The following SLC9A3 variants were observed in gnomAD, a reference collection of about 807,000 sequenced individuals.
SLC9A3 encodes solute carrier family 9 member A3, also known as sodium/hydrogen exchanger 3.
Under a neutral mutation model 86.8 loss-of-function variants are expected in SLC9A3, and 37 were observed. The observed-to-expected ratio is 0.43, with a 90% confidence interval of 0.33 to 0.56. The LOEUF (loss-of-function observed/expected upper bound fraction) is 0.56. Among genes scored for constraint, SLC9A3 ranks in the 20% least tolerant of loss-of-function variants. SLC9A3 has a pLI of 0.06. For missense variants in SLC9A3, 1,011 were observed against 1,171.9 expected (o/e 0.86, Z 2.00); for synonymous variants, 581 against 528.3 (o/e 1.10, Z -1.37).
rs1320617129 is a variant in SLC9A3 at position 507,183 on chromosome 5, T to TTTTTTTTTG, written c.212-15113_212-15112insCAAAAAAAA. Among the ~76,000 whole-genome samples, 85 of 88,962 alleles carry TTTTTTTTTG rather than the reference T, an allele frequency of 9.6e-4. 6 individuals carry two copies. Among genetic ancestry groups the TTTTTTTTTG allele is most frequent in the African/African-American group, 4.4e-3 (81 of 18,468 alleles). The allele number at this position is 88,962 out of a possible 152,430, so 58.4% of individuals were successfully genotyped here. A position where few individuals can be genotyped will look rare whatever the true frequency, so the allele number is the denominator to read the frequency against. On this transcript the variant is annotated intron_variant, in intron 1 of 16. Transcript: ENST00000264938. ...TGCTGCTTCTTTTTTTTTTTTTTTT[T>TTTTTTTTTG]TTTGAGACGGAGTCTGGCTCTGTTG...
At chr5:503,894 C>T (rs1740420405) in intron 1 of SLC9A3, among the ~76,000 whole-genome samples, 1 of 152,254 alleles carries the variant, frequency 6.6e-6, no homozygotes, top group South Asian at 2.1e-4. Context: ...AGGCTGGGGC[C>T]TCTGGACAGA....
intron 10 of SLC9A3, chr5:478,555 AG>A (rs1738928395): frequency 6.5e-6 from 1 of 154,128 alleles, no homozygotes; most frequent in Admixed American, 6.5e-5. Flanking sequence ...CCCGCTACTG[AG>A]TGGCCGGGAG....
At position 482,584 on chromosome 5, in the gene SLC9A3, G is replaced by A. The variant is rs759521468; in HGVS notation, c.1320C>T (p.Thr440=). The change falls in exon 7 of 17, where the codon ACC becomes ACT. Residue 440 remains threonine (T), a synonymous_variant. Coordinates refer to ENST00000264938, the MANE Select transcript of SLC9A3 (RefSeq NM_004174.4). ...KVKEKNLFVS[T]TIIVVFFTVI... ...CGGTGAAGAACACTACGATGATGGT[G>A]GTGCTGACGAACAGGTTCTTCTCCT... 2.7e-5 allele frequency: 44 copies of A among 1,612,772 alleles called. 1 individual carries two copies. In the Middle Eastern group the frequency reaches 4.9e-4, roughly 18 times the overall value.
At chr5:521,255 G>A (rs1468183959) in intron 1 of SLC9A3, among the ~76,000 whole-genome samples, 1 of 151,628 alleles carries the variant, frequency 6.6e-6, no homozygotes, top group Non-Finnish European at 1.5e-5. Flanking sequence ...GCCTGAGGCT[G>A]GTGGGCCAAC....
In SLC9A3 at chr5:472,456, C is replaced by T. The variant is rs1260980223; in HGVS notation, c.*923G>A. On this transcript the variant is annotated 3_prime_UTR_variant, in exon 17 of 17. Coordinates refer to ENST00000264938, the MANE Select transcript of SLC9A3 (RefSeq NM_004174.4). ...GTGATTCTTGGCAAGCTCCGCCCGC[C>T]AGGCCACCTCTCACCCAGCCAGGGC... 3.0e-6 allele frequency: 1 copy of T among 333,334 alleles called. No individual in the cohort carries two copies. The highest frequency in any genetic ancestry group is 2.3e-5 in the African/African-American group (1 of 44,112). The allele number at this position is 333,334 out of a possible 1,614,324, so 20.6% of individuals were successfully genotyped here.
intron 9 of SLC9A3, 120 bp downstream of exon 9, chr5:481,445 A>C: frequency 1.2e-6 from 1 of 866,288 alleles, no homozygotes; most frequent in Non-Finnish European, 1.9e-6. Flanking sequence ...GGGGCACCGG[A>C]GCCCTGACCA....
At chr5:475,274 G>A (rs903077809) in intron 15 of SLC9A3, 142 bp from the exon 16 acceptor site, 2 of 838,542 alleles carry the variant, frequency 2.4e-6, no homozygotes, top group African/African-American at 3.4e-5. Flanking sequence ...TCAGGTTGCG[G>A]GCCCTTCCCC....
chr5:513,670 C>A (rs4271701), intron 1 of SLC9A3, among the ~76,000 whole-genome samples: 60,197 of 152,100 alleles, frequency 0.4, 12,268 homozygotes, highest in African/African-American at 0.44. Context: ...CTCCATGGGA[C>A]ACACGTGCTC....
chr5:488,605 G>A lies in SLC9A3; in HGVS notation c.515-129C>T, dbSNP rs1739579148. ...GCTGGCGCCGGTGGCGTGGGGAGCT[G>A]GGTCAGCTTCCTGCGTCCCTCCCAC... On this transcript the variant is annotated intron_variant, in intron 2 of 16. Transcript: ENST00000264938. 8.5e-6 allele frequency: 8 copies of A among 941,160 alleles called. No homozygotes were observed. The South Asian group carries it at 1.4e-4, about 17-fold the overall frequency. 58.3% of individuals were successfully genotyped at this position (941,160 alleles called of 1,614,324 possible).
intron 1 of SLC9A3, among the ~76,000 whole-genome samples, chr5:515,745 C>G (rs1456803279): frequency 2.7e-5 from 4 of 147,918 alleles, no homozygotes; most frequent in Admixed American, 2.0e-4. Flanking sequence ...CCACACACTC[C>G]CCCTGCCCCT....
In SLC9A3 at chr5:491,362, C is replaced by T. The variant is rs948618878; in HGVS notation, c.514+407G>A. Among the ~76,000 whole-genome samples the T allele has an allele frequency of 2.6e-5, 4 of 152,160 alleles. No homozygotes were observed. The highest frequency in any genetic ancestry group is 1.3e-4 in the Admixed American group (2 of 15,284). ...GTTCTGGCTCCGGCTGTGGCTGCAG[C>T]GGTGGCCGAGCGGCTCCGGCACACA... On this transcript the variant is annotated intron_variant, in intron 2 of 16. Coordinates refer to ENST00000264938, the MANE Select transcript of SLC9A3 (RefSeq NM_004174.4). The surrounding 1 kb of genome is among the most constrained non-coding windows in gnomAD (Gnocchi z 9.2).
chr5:500,414 G>A (rs1355640464), intron 1 of SLC9A3, among the ~76,000 whole-genome samples: 1 of 152,236 alleles, frequency 6.6e-6, no homozygotes, highest in Non-Finnish European at 1.5e-5. Context: ...GACGGGGACG[G>A]GACCCTCCAG....
intron 1 of SLC9A3, among the ~76,000 whole-genome samples, chr5:520,548 C>T (rs1027228235): frequency 3.3e-5 from 5 of 152,284 alleles, no homozygotes; most frequent in Admixed American, 6.5e-5. Context: ...ACCATCCTCC[C>T]GGAATCTCCC....
At chr5:502,499 C>T (rs1740334067) in intron 1 of SLC9A3, among the ~76,000 whole-genome samples, 1 of 152,220 alleles carries the variant, frequency 6.6e-6, no homozygotes, top group Non-Finnish European at 1.5e-5. Context: ...CGGCAAGACA[C>T]CGGTCGCAAC....
intron 1 of SLC9A3, among the ~76,000 whole-genome samples, chr5:494,570 T>C (rs556447551): frequency 6.6e-6 from 1 of 152,180 alleles, no homozygotes; most frequent in African/African-American, 2.4e-5. Context: ...GCCTCCTGAT[T>C]TTTTTAATAA....
intron 11 of SLC9A3, 52 bp downstream of exon 11, chr5:477,280 C>T: frequency 1.5e-6 from 2 of 1,321,998 alleles, no homozygotes; most frequent in Non-Finnish European, 2.1e-6. Flanking sequence ...TGACTCTCAG[C>T]TCCCGAGGCT....
At chr5:484,828 G>A (rs2303734) in intron 4 of SLC9A3, 131 bp from the exon 5 acceptor site, 16 of 850,278 alleles carry the variant, frequency 1.9e-5, no homozygotes, top group East Asian at 5.3e-5. Flanking sequence ...CTTGGAGATC[G>A]GGCCTGGTCT....
chr5:473,362 G>A lies in SLC9A3; in HGVS notation c.*17C>T. The A allele has an allele frequency of 7.0e-7, 1 of 1,420,454 alleles. No homozygotes were observed. Among genetic ancestry groups the A allele is most frequent in the Non-Finnish European group, 9.3e-7 (1 of 1,080,466 alleles). The allele number at this position is 1,420,454 out of a possible 1,614,324, so 88.0% of individuals were successfully genotyped here. On this transcript the variant is annotated 3_prime_UTR_variant, in exon 17 of 17. Coordinates refer to ENST00000264938, the MANE Select transcript of SLC9A3 (RefSeq NM_004174.4). ...CGCGGGGACGAGCGGCCGGTTAGCG[G>A]CGTGTCGGAGCCGGTGTCACCTGCG...
chr5:519,889 C>A (rs1026282640), intron 1 of SLC9A3, among the ~76,000 whole-genome samples: 6 of 152,196 alleles, frequency 3.9e-5, no homozygotes, highest in Admixed American at 2.6e-4. Context: ...TGTGCCCTAG[C>A]GTCCTCCTGA....
Sources: allele counts gnomAD v4.1 joint callset (sites outside exome capture counted in the v4.1 genomes callset), GRCh38; gene constraint gnomAD v4.1.1; non-coding constraint Gnocchi (gnomAD v3.1); transcripts MANE v1.5; gene names NCBI Gene and HGNC (gene_info 2026-07-23, HGNC 2026-07-21).